The following PPP1R7 variants were observed in gnomAD, a reference collection of about 807,000 sequenced individuals.
The protein encoded by PPP1R7 is protein phosphatase 1 regulatory subunit 22.
A neutral mutation model predicts 45.2 loss-of-function variants in PPP1R7; 18 were observed. That is an observed-to-expected ratio of 0.40 (90% confidence interval 0.28 to 0.59). The LOEUF is 0.59. Among genes scored for constraint, PPP1R7 ranks in the 20% least tolerant of loss-of-function variants. The pLI is 0.46. For missense variants in PPP1R7, 314 were observed against 455.8 expected (o/e 0.69, Z 2.83); for synonymous variants, 181 against 183.4 (o/e 0.99, Z 0.11).
intron 9 of PPP1R7, among the ~76,000 whole-genome samples, chr2:241,175,933 A>G (rs1057103150): frequency 3.9e-5 from 6 of 152,156 alleles, no homozygotes; most frequent in Non-Finnish European, 7.3e-5. Context: ...GAATGCCACC[A>G]CGCCTGGCTA....
intron 1 of PPP1R7, 50 bp downstream of exon 1, chr2:241,150,597 G>C: frequency 2.6e-6 from 4 of 1,555,104 alleles, no homozygotes; most frequent in Non-Finnish European, 3.5e-6. Flanking sequence ...GGCGGGGGGA[G>C]CTGCGGGCTG....
chr2:241,154,752 T>A (rs2067412914), intron 2 of PPP1R7, among the ~76,000 whole-genome samples: 1 of 152,158 alleles, frequency 6.6e-6, no homozygotes. Context: ...TACTTTTACC[T>A]GCTAAAGAAA....
rs1365904380 is a variant in PPP1R7 at position 241,177,545 on chromosome 2, GAGGTTA to G, written c.907-5089_907-5084del. ...ATGAAAGAGTCCATTGGTCGCCTGA[GAGGTTA>G]AGGTTAAGGTTATTTTCTATGACAT... On this transcript the variant is annotated intron_variant, in intron 9 of 9. Coordinates refer to ENST00000234038, the MANE Select transcript of PPP1R7 (RefSeq NM_002712.3). 3.3e-5 allele frequency among the ~76,000 whole-genome samples: 5 copies of G among 152,342 alleles called. No individual in the cohort carries two copies. In the East Asian group the frequency reaches 9.6e-4, roughly 29 times the overall value.
At chr2:241,151,679 A>G (rs1283618233) in intron 1 of PPP1R7, 1 of 410,384 alleles carries the variant, frequency 2.4e-6, no homozygotes. Context: ...CTCCCTCTTC[A>G]GCTGTTTCCA....
At position 241,182,824 on chromosome 2, in the gene PPP1R7, G is replaced by C. The variant is rs2068027915; in HGVS notation, c.*1G>C. ...CGATGCCACGTTCGTCAGGTTCTGA[G>C]TCCTTCTTGGCTCCTCATGTGGTCC... On this transcript the variant is annotated 3_prime_UTR_variant, in exon 10 of 10. Transcript: ENST00000234038. The C allele has an allele frequency of 1.2e-6, 2 of 1,609,736 alleles. No homozygotes were observed. Among genetic ancestry groups the C allele is most frequent in the Middle Eastern group, 1.7e-4 (1 of 6,054 alleles).
intron 7 of PPP1R7, among the ~76,000 whole-genome samples, chr2:241,165,594 T>G (rs192549820): frequency 6.2e-4 from 95 of 152,204 alleles, no homozygotes; most frequent in Non-Finnish European, 1.0e-3. Flanking sequence ...GTTTTTTGTT[T>G]GTTTGTTTGT....
chr2:241,152,679 A>T (rs1379262734), intron 1 of PPP1R7, among the ~76,000 whole-genome samples: 1 of 152,234 alleles, frequency 6.6e-6, no homozygotes, highest in Non-Finnish European at 1.5e-5. Flanking sequence ...GAGTATTTTC[A>T]GTATGGTTGA....
intron 4 of PPP1R7, chr2:241,158,854 C>T (rs1257694526): frequency 2.0e-5 from 9 of 443,614 alleles, no homozygotes; most frequent in Middle Eastern, 6.1e-4. Flanking sequence ...TACAGTCCTC[C>T]GTGCCTCTCA....
chr2:241,157,055 A>C (rs1243840346), intron 2 of PPP1R7, among the ~76,000 whole-genome samples: 1 of 152,188 alleles, frequency 6.6e-6, no homozygotes, highest in African/African-American at 2.4e-5. Context: ...GAAGTGCTTA[A>C]CAGGGAAGCT....
In PPP1R7 at chr2:241,172,641, C is replaced by T. The variant is rs1203441472; in HGVS notation, c.906+2774C>T. Among the ~76,000 whole-genome samples the T allele has an allele frequency of 1.6e-4, 24 of 147,724 alleles. 1 individual carries two copies. The South Asian group carries it at 2.5e-3, about 16-fold the overall frequency. Reference sequence around the variant, plus strand: ...CCTGGGCAAAAAAGTGAAACTCCGTCTCAAAAAAAAAAAAAAAGAAATTTA... The same window carrying T: ...CCTGGGCAAAAAAGTGAAACTCCGTTTCAAAAAAAAAAAAAAAGAAATTTA... On this transcript the variant is annotated intron_variant, in intron 9 of 9. Transcript: ENST00000234038.
At chr2:241,177,965 G>C (rs1388530546) in intron 9 of PPP1R7, among the ~76,000 whole-genome samples, 3 of 152,248 alleles carry the variant, frequency 2.0e-5, no homozygotes, top group Non-Finnish European at 4.4e-5. Context: ...TAAGCCAAGT[G>C]ATGCCATTTA....
upstream of PPP1R7, chr2:241,149,728 C>A: frequency 1.3e-6 from 2 of 1,547,666 alleles, no homozygotes; most frequent in South Asian, 1.2e-5. Flanking sequence ...GCAGAGCTCG[C>A]CTCTTGGAGG....
chr2:241,162,632 G>A (rs1388541264), intron 6 of PPP1R7, among the ~76,000 whole-genome samples: 1 of 151,920 alleles, frequency 6.6e-6, no homozygotes, highest in Non-Finnish European at 1.5e-5. Flanking sequence ...AAGACTTGAG[G>A]TCAGAGTGCC....
intron 9 of PPP1R7, among the ~76,000 whole-genome samples, chr2:241,171,977 C>T (rs2067824426): frequency 1.3e-5 from 2 of 152,176 alleles, no homozygotes; most frequent in Non-Finnish European, 2.9e-5. Flanking sequence ...TTGCTTTCTT[C>T]TCCAGTCTGA....
chr2:241,153,373 A>T lies in PPP1R7; in HGVS notation c.53-103A>T, dbSNP rs529324312. ...GTTCGTTGAACTGGATTCAACAAAC[A>T]TGTTTAAATGAAATCCTTTTGACTT... On this transcript the variant is annotated intron_variant, in intron 1 of 9. Transcript: ENST00000234038. 2.7e-6 allele frequency: 4 copies of T among 1,478,722 alleles called. No individual in the cohort carries two copies. The South Asian group carries it at 5.0e-5, about 19-fold the overall frequency. The allele number at this position is 1,478,722 out of a possible 1,614,324, so 91.6% of individuals were successfully genotyped here.
intron 8 of PPP1R7, chr2:241,167,241 G>A (rs1013559922): frequency 5.1e-6 from 3 of 586,300 alleles, no homozygotes; most frequent in African/African-American, 3.8e-5. Context: ...TATAAACATA[G>A]TGTTTCAATC....
intron 4 of PPP1R7, 22 bp downstream of exon 4, chr2:241,158,571 G>A (rs1206481013): frequency 1.3e-6 from 2 of 1,599,654 alleles, no homozygotes; most frequent in Non-Finnish European, 1.7e-6. Context: ...TCTTATGAGG[G>A]GACTATGACG....
At position 241,180,682 on chromosome 2, in the gene PPP1R7, C is replaced by T. The variant is rs981838574; in HGVS notation, c.907-1965C>T. ...GGCTCTGCACTGGCCACACAACCAG[C>T]GGGGCGGTGCGAGTGTAGTAACAGA... On this transcript the variant is annotated intron_variant, in intron 9 of 9. Transcript: ENST00000234038. Among the ~76,000 whole-genome samples, 6 of 146,272 alleles carry T rather than the reference C, an allele frequency of 4.1e-5. 1 individual carries two copies. The highest frequency in any genetic ancestry group is 1.4e-4 in the African/African-American group (5 of 35,860).
At chr2:241,150,608 GA>G in intron 1 of PPP1R7, 61 bp downstream of exon 1, 1 of 1,509,242 alleles carries the variant, frequency 6.6e-7, no homozygotes, top group Middle Eastern at 2.3e-4. Flanking sequence ...CTGCGGGCTG[GA>G]ACTGCTCCGT....
Sources: gnomAD v4.1 joint callset for allele counts (sites outside exome capture counted in the v4.1 genomes callset) on GRCh38, gnomAD v4.1.1 for gene constraint, MANE v1.5 for transcripts, NCBI Gene and HGNC (gene_info 2026-07-23, HGNC 2026-07-21) for gene names.